VWA8: variants seen among roughly 807,000 people sequenced by gnomAD.
VWA8 encodes the protein von Willebrand factor A domain containing 8.
Under a neutral mutation model 241.5 loss-of-function variants are expected in VWA8, and 221 were observed. The observed-to-expected ratio is 0.91, with a 90% CI of 0.82 to 1.02. The LOEUF (loss-of-function observed/expected upper bound fraction) is 1.02, where lower values mean the gene tolerates loss of function less well. Among genes scored for constraint, VWA8 ranks in the 50% least tolerant of loss-of-function variants. The pLI is 0.00. For missense variants in VWA8, 2,322 were observed against 2,328.7 expected, an observed-to-expected ratio of 1.00 and a Z score of 0.06; for synonymous variants, 852 against 827.1, an observed-to-expected ratio of 1.03 and a Z score of -0.52.
rs541014630 is a variant in VWA8, at chr13:41,898,237, G to A, written c.484-6650C>T. ...CCAGAGCAGGTAGATACAGAGTGTCGATTGGTGCACTCACAAACCCTGAGC... is the reference window on the plus strand; with the variant it reads ...CCAGAGCAGGTAGATACAGAGTGTCAATTGGTGCACTCACAAACCCTGAGC... On this transcript the variant is annotated intron_variant, in intron 4 of 44. Transcript: ENST00000379310. Among the ~76,000 whole-genome samples the A allele has an allele frequency of 1.7e-4, 26 of 152,020 alleles. 1 individual carries two copies. Among genetic ancestry groups the A allele is most frequent in the African/African-American group, 3.1e-4 (13 of 41,434 alleles).
chr13:41,678,925 T>C (rs2045078879), intron 35 of VWA8, among the ~76,000 whole-genome samples: 2 of 152,160 alleles, frequency 1.3e-5, no homozygotes, highest in Admixed American at 6.5e-5. Context: ...ATAATAAAAA[T>C]TGATGTTTAC....
intron 37 of VWA8, among the ~76,000 whole-genome samples, chr13:41,652,990 TCAAA>T (rs778811624): frequency 6.6e-5 from 10 of 152,152 alleles, no homozygotes; most frequent in Non-Finnish European, 1.0e-4. Context: ...ATAATTCCAG[TCAAA>T]CAAACAAGAA....
chr13:41,866,431 T>C (rs958612010), intron 10 of VWA8, among the ~76,000 whole-genome samples: 8 of 151,476 alleles, frequency 5.3e-5, no homozygotes, highest in Non-Finnish European at 8.8e-5. Flanking sequence ...GTGTAAAACA[T>C]GCATGTTTTT....
intron 40 of VWA8, among the ~76,000 whole-genome samples, chr13:41,598,636 C>A (rs2044502760): frequency 6.6e-6 from 1 of 151,980 alleles, no homozygotes; most frequent in Non-Finnish European, 1.5e-5. Context: ...CTCTGAATAT[C>A]TGCAAATATC....
chr13:41,845,218 G>A (rs980512101), intron 12 of VWA8, among the ~76,000 whole-genome samples: 4 of 152,066 alleles, frequency 2.6e-5, no homozygotes, highest in Non-Finnish European at 5.9e-5. Context: ...CTAATCATTA[G>A]AGAAATGCCA....
At chr13:41,910,193 T>C (rs1875926027) in intron 3 of VWA8, among the ~76,000 whole-genome samples, 1 of 152,210 alleles carries the variant, frequency 6.6e-6, no homozygotes, top group South Asian at 2.1e-4. Flanking sequence ...CTCTTAGCCC[T>C]TCTCATTTCA....
At chr13:41,885,388 C>G (rs1214219081) in intron 8 of VWA8, among the ~76,000 whole-genome samples, 1 of 152,246 alleles carries the variant, frequency 6.6e-6, no homozygotes, top group African/African-American at 2.4e-5. Context: ...CCCCTCAGAT[C>G]TGTTTGCATT....
At chr13:41,821,338 T>C (rs889118381) in intron 14 of VWA8, among the ~76,000 whole-genome samples, 3 of 152,160 alleles carry the variant, frequency 2.0e-5, no homozygotes, top group Non-Finnish European at 4.4e-5. Context: ...ATAAAAACAG[T>C]CACCGAACTA....
At chr13:41,790,026 T>C (rs1869383713) in intron 17 of VWA8, among the ~76,000 whole-genome samples, 1 of 152,174 alleles carries the variant, frequency 6.6e-6, no homozygotes, top group African/African-American at 2.4e-5. Context: ...TTGAAGGTAT[T>C]TTATTTAGCC....
At chr13:41,702,624 C>T (rs892894579) in intron 27 of VWA8, among the ~76,000 whole-genome samples, 3 of 152,154 alleles carry the variant, frequency 2.0e-5, no homozygotes, top group South Asian at 4.1e-4. Flanking sequence ...CATTTGTTTA[C>T]GTACTGCCAT....
chr13:41,936,974 A>G (rs1356710716), intron 2 of VWA8, among the ~76,000 whole-genome samples: 1 of 152,214 alleles, frequency 6.6e-6, no homozygotes, highest in African/African-American at 2.4e-5. Context: ...GTGATGTCAT[A>G]GTGTCATAAC....
intron 29 of VWA8, among the ~76,000 whole-genome samples, chr13:41,694,225 A>T (rs771445195): frequency 6.6e-5 from 10 of 152,028 alleles, no homozygotes; most frequent in Non-Finnish European, 1.5e-4. Context: ...CTGCAAATCT[A>T]GCATCTCAGT....
chr13:41,711,749 C>T (rs2045319311), intron 26 of VWA8, among the ~76,000 whole-genome samples: 1 of 151,950 alleles, frequency 6.6e-6, no homozygotes, highest in South Asian at 2.1e-4. Flanking sequence ...TGGCGGGTGC[C>T]TATAGTCCCA....
chr13:41,690,541 T>C (rs2045169453), intron 32 of VWA8, among the ~76,000 whole-genome samples: 1 of 152,044 alleles, frequency 6.6e-6, no homozygotes, highest in South Asian at 2.1e-4. Flanking sequence ...GAAGCAACTC[T>C]AATGGGGTGC....
Position 41,699,136 on chromosome 13 carries a change from G to T in VWA8, c.3499C>A (p.Pro1167Thr), listed in dbSNP as rs767010894. ...FPRTANGVWHPFVTVAPLGSP... is the reference protein window; with the variant it reads ...FPRTANGVWHTFVTVAPLGSP... ...CCCAGCGGTGCCACTGTCACAAAAG[G>T]GTGCCAAACGCCATTGGCTGTTCTT... Residue 1167 changes from proline to threonine, a missense_variant, in exon 29 of 45, where the codon CCT becomes ACT. Pro to Thr is a conservative substitution (Grantham distance 38). Coordinates refer to ENST00000379310, the MANE Select transcript of VWA8 (RefSeq NM_015058.2). The T allele has an allele frequency of 5.6e-6, 9 of 1,613,918 alleles. No individual in the cohort carries two copies. Among genetic ancestry groups the T allele is most frequent in the Non-Finnish European group, 6.8e-6 (8 of 1,179,988 alleles).
chr13:41,711,412 A>T (rs2045315340), intron 26 of VWA8, among the ~76,000 whole-genome samples: 1 of 152,216 alleles, frequency 6.6e-6, no homozygotes, highest in Non-Finnish European at 1.5e-5. Flanking sequence ...CTTTGAATGA[A>T]TATAGGAGCT....
chr13:41,573,540 C>CGTATAT (rs1555303624), intron 43 of VWA8, among the ~76,000 whole-genome samples: 2 of 125,122 alleles, frequency 1.6e-5, no homozygotes, highest in African/African-American at 6.4e-5. Flanking sequence ...TATATATATA[C>CGTATAT]GTATATATAA....
intron 43 of VWA8, among the ~76,000 whole-genome samples, chr13:41,571,296 G>A (rs71425023): frequency 0.12 from 16,141 of 136,692 alleles, 1,351 homozygotes; most frequent in Admixed American, 0.22. Flanking sequence ...TCCCTCTCCC[G>A]TCTCCCTCTC....
chr13:41,762,995 G>A (rs889924173), intron 20 of VWA8, among the ~76,000 whole-genome samples: 3 of 152,092 alleles, frequency 2.0e-5, no homozygotes, highest in South Asian at 2.1e-4. Flanking sequence ...CGGGCCAGGC[G>A]CATGACTCAC....
Sources: allele counts gnomAD v4.1 joint callset (sites outside exome capture counted in the v4.1 genomes callset), GRCh38; gene constraint gnomAD v4.1.1; transcripts MANE v1.5; gene names NCBI Gene and HGNC (gene_info 2026-07-23, HGNC 2026-07-21).